Variants in ADAM19 observed in about 807,000 individuals in gnomAD.
ADAM19 encodes disintegrin and metalloproteinase domain-containing protein 19.
In ADAM19, 65 loss-of-function variants were observed where a neutral mutation model predicts 114.7. That is an observed-to-expected ratio of 0.57 (90% CI 0.46 to 0.70). ADAM19 has a LOEUF of 0.70. Among genes scored for constraint, ADAM19 ranks in the 30% least tolerant of loss-of-function variants. ADAM19 has a pLI of 0.00. For synonymous variants in ADAM19, 466 were observed against 460.5 expected, an observed-to-expected ratio of 1.01 and a Z score of -0.15; for missense variants, 1,063 against 1,204.7, an observed-to-expected ratio of 0.88 and a Z score of 1.74.
In ADAM19 at chr5:157,564,527, C is replaced by T. The variant is rs191058400; in HGVS notation, c.181-84G>A. On this transcript the variant is annotated intron_variant, in intron 2 of 22. Transcript: ENST00000257527. ...CGGGCACAGGATCTAGCACAGCGCT[C>T]CAACATTGATCCACAGGAAGTGAAT... 3.3e-4 allele frequency: 370 copies of T among 1,137,422 alleles called. 7 individuals carry two copies. In the East Asian group the frequency reaches 5.0e-3, roughly 15 times the overall value. The allele number at this position is 1,137,422 out of a possible 1,614,324, so 70.5% of individuals were successfully genotyped here.
chr5:157,505,683 C>T lies in ADAM19; in HGVS notation c.1116G>A (p.Met372Ile). 4 of 1,614,040 alleles carry T rather than the reference C, an allele frequency of 2.5e-6. No homozygotes were observed. Among genetic ancestry groups the T allele is most frequent in the Non-Finnish European group, 1.7e-6 (2 of 1,179,974 alleles). ...GTTTGACTCACCCAGTGGCAGCTGC[C>T]ATGATGCACCCACCATCAGCCGCAC... ...SASAADGGCI[M>I]AAATGHPFPK... The change falls in exon 11 of 23, where the codon ATG (methionine) becomes ATA (isoleucine). Residue 372 changes from methionine to isoleucine, a missense_variant. By Grantham distance (10) the Met-to-Ile change is conservative. Transcript: ENST00000257527.
chr5:157,515,114 A>C (rs1756055060), intron 7 of ADAM19, among the ~76,000 whole-genome samples: 1 of 152,206 alleles, frequency 6.6e-6, no homozygotes, highest in African/African-American at 2.4e-5. Flanking sequence ...AGGCTTCCTT[A>C]AAACTGCCAC....
At chr5:157,490,054 A>T (rs1755096502) in intron 19 of ADAM19, among the ~76,000 whole-genome samples, 2 of 152,368 alleles carry the variant, frequency 1.3e-5, no homozygotes, top group African/African-American at 4.8e-5. Context: ...ATTTTATTTT[A>T]TATTTCAACT....
At chr5:157,553,307 C>T (rs554919271) in intron 3 of ADAM19, among the ~76,000 whole-genome samples, 1 of 152,004 alleles carries the variant, frequency 6.6e-6, no homozygotes, top group Non-Finnish European at 1.5e-5. Flanking sequence ...AATATATACA[C>T]TTACTATGTA....
At chr5:157,527,555 A>C (rs1756507595) in intron 5 of ADAM19, among the ~76,000 whole-genome samples, 1 of 152,144 alleles carries the variant, frequency 6.6e-6, no homozygotes, top group Non-Finnish European at 1.5e-5. Context: ...GAACTCCCTC[A>C]CTATCACCAG....
intron 5 of ADAM19, among the ~76,000 whole-genome samples, chr5:157,524,513 C>A (rs900081791): frequency 6.6e-6 from 1 of 152,218 alleles, no homozygotes; most frequent in East Asian, 1.9e-4. Flanking sequence ...GGGACTTGTC[C>A]ATTCAGAGCT....
intron 9 of ADAM19, among the ~76,000 whole-genome samples, chr5:157,507,857 T>G (rs1361157407): frequency 1.3e-5 from 2 of 152,212 alleles, no homozygotes; most frequent in Non-Finnish European, 2.9e-5. Flanking sequence ...TACCAGTGTT[T>G]CTGTGCATGC....
chr5:157,555,396 C>G (rs62388533), intron 3 of ADAM19, among the ~76,000 whole-genome samples: 541 of 152,304 alleles, frequency 3.6e-3, no homozygotes, highest in Non-Finnish European at 4.9e-3. Flanking sequence ...TAAGGGCAGA[C>G]AGAGCATCAG....
intron 3 of ADAM19, among the ~76,000 whole-genome samples, chr5:157,563,524 A>G (rs1757568364): frequency 6.6e-6 from 1 of 152,166 alleles, no homozygotes; most frequent in South Asian, 2.1e-4. Flanking sequence ...ATTGGCTTCC[A>G]GGGGGTTCTG....
rs1433300016 is a variant in ADAM19, at chr5:157,509,309, T to C, written c.897A>G (p.Gln299=). The C allele has an allele frequency of 4.4e-6, 7 of 1,607,792 alleles. No individual in the cohort carries two copies. The highest frequency in any genetic ancestry group is 2.2e-5 in the East Asian group (1 of 44,726). The change falls in exon 9 of 23, where the codon CAA becomes CAG. Residue 299 remains glutamine (Q), a synonymous_variant. Transcript: ENST00000257527. ...GGAAAAAGGCTATTTACGTGATTAATTGGGCGTTGTCATGGTACTTCTGGG... is the reference window on the plus strand; with the variant it reads ...GGAAAAAGGCTATTTACGTGATTAACTGGGCGTTGTCATGGTACTTCTGGG... ...LLAQKYHDNA[Q]LITGMSFHGT...
chr5:157,556,005 TA>T (rs1757356471), intron 3 of ADAM19, among the ~76,000 whole-genome samples: 1 of 152,164 alleles, frequency 6.6e-6, no homozygotes, highest in Non-Finnish European at 1.5e-5. Context: ...TAATCCAAGA[TA>T]ATCTTCTCAT....
At chr5:157,552,507 G>A (rs1027104037) in intron 3 of ADAM19, among the ~76,000 whole-genome samples, 4 of 151,646 alleles carry the variant, frequency 2.6e-5, no homozygotes, top group Admixed American at 6.6e-5. Context: ...GTGAAACCCC[G>A]TCTCTACTAA....
chr5:157,537,890 G>C, intron 4 of ADAM19, 23 bp downstream of exon 4: 3 of 1,600,062 alleles, frequency 1.9e-6, no homozygotes, highest in Non-Finnish European at 1.7e-6. Flanking sequence ...CTGCTGGATA[G>C]ACATTTGTTG....
intron 18 of ADAM19, among the ~76,000 whole-genome samples, chr5:157,491,241 A>G (rs1755143369): frequency 6.6e-6 from 1 of 152,166 alleles, no homozygotes; most frequent in African/African-American, 2.4e-5. Context: ...ACTTGTGTCC[A>G]TCAGAGGAAA....
At chr5:157,551,736 T>G (rs542704250) in intron 3 of ADAM19, among the ~76,000 whole-genome samples, 1 of 151,220 alleles carries the variant, frequency 6.6e-6, no homozygotes, top group African/African-American at 2.4e-5. Flanking sequence ...AAAAAAAAAC[T>G]AATAATCCAA....
At position 157,505,708 on chromosome 5, in the gene ADAM19, C is replaced by A. The variant is rs112756428; in HGVS notation, c.1091G>T (p.Ser364Ile). Residue 364 changes from serine to isoleucine, a missense_variant, in exon 11 of 23, where the codon AGT (serine) becomes ATT (isoleucine). Physicochemically the swap from Ser to Ile is moderately radical, Grantham distance 142 (BLOSUM62 -2). Coordinates refer to ENST00000257527, the MANE Select transcript of ADAM19 (RefSeq NM_033274.5). ...CATGATGCACCCACCATCAGCCGCA[C>A]TGGCCGAGCAGCAATCTGCAGAATC... ...THDSADCCSA[S>I]AADGGCIMAA... 1 of 1,614,136 alleles carries A rather than the reference C, an allele frequency of 6.2e-7. No individual in the cohort carries two copies. Among genetic ancestry groups the A allele is most frequent in the Non-Finnish European group, 8.5e-7 (1 of 1,180,002 alleles).
chr5:157,508,070 C>G (rs1021899206), intron 9 of ADAM19, among the ~76,000 whole-genome samples: 1 of 152,194 alleles, frequency 6.6e-6, no homozygotes, highest in East Asian at 1.9e-4. Flanking sequence ...GACTTATCTT[C>G]AGAGAAACAA....
In ADAM19 at chr5:157,477,313, A is replaced by C. The variant is rs1754625656; in HGVS notation, c.*3636T>G. ...GAGCTGCCAAACCAGATAACATTGC[A>C]AATGACAAACAATTCATTTTTAATT... On this transcript the variant is annotated 3_prime_UTR_variant, in exon 23 of 23. Transcript: ENST00000257527. 3.0e-6 allele frequency: 3 copies of C among 1,002,220 alleles called. No individual in the cohort carries two copies. The highest frequency in any genetic ancestry group is 1.0e-3 in the Middle Eastern group (2 of 1,962). 62.1% of individuals were successfully genotyped at this position (1,002,220 alleles called of 1,614,324 possible).
In ADAM19 at chr5:157,489,263, C is replaced by G. The variant is rs924983399; in HGVS notation, c.2241-77G>C. ...GACAGTGCCTGAGTTCCCTTTGACC[C>G]AAGCACGGCCAGCAAGCAGCTAAAT... On this transcript the variant is annotated intron_variant, in intron 19 of 22. Coordinates refer to ENST00000257527, the MANE Select transcript of ADAM19 (RefSeq NM_033274.5). The G allele has an allele frequency of 1.4e-5, 14 of 1,033,238 alleles. No individual in the cohort carries two copies. In the African/African-American group the frequency reaches 1.7e-4, roughly 13 times the overall value. 64.0% of individuals were successfully genotyped at this position (1,033,238 alleles called of 1,614,324 possible).
Sources: allele counts gnomAD v4.1 joint callset (sites outside exome capture counted in the v4.1 genomes callset), GRCh38; gene constraint gnomAD v4.1.1; transcripts MANE v1.5; gene names NCBI Gene and HGNC (gene_info 2026-07-23, HGNC 2026-07-21).